MGAT4C: variants seen among roughly 807,000 people sequenced by gnomAD.
MGAT4C encodes alpha-1,3-mannosyl-glycoprotein 4-beta-N-acetylglucosaminyltransferase C.
MGAT4C carries 19 observed loss-of-function variants against 40.1 expected under a neutral mutation model. The observed-to-expected ratio is 0.47, with a 90% CI of 0.33 to 0.70. The LOEUF is 0.70. Ranked by LOEUF, MGAT4C falls within the 30% of genes least tolerant of loss-of-function variation. MGAT4C has a pLI of 0.02. For synonymous variants in MGAT4C, 181 were observed against 187.1 expected (o/e 0.97, Z 0.27); for missense variants, 491 against 563.2 (o/e 0.87, Z 1.30).
chr12:86,357,987 C>A (rs140349438), intron 3 of MGAT4C, among the ~76,000 whole-genome samples: 2 of 151,900 alleles, frequency 1.3e-5, no homozygotes, highest in Non-Finnish European at 2.9e-5. Context: ...AACACCACAG[C>A]GATACTCCTC....
chr12:86,307,055 T>C (rs1953951323), intron 4 of MGAT4C, among the ~76,000 whole-genome samples: 1 of 150,450 alleles, frequency 6.6e-6, no homozygotes, highest in Non-Finnish European at 1.5e-5. Flanking sequence ...CAATGAAAAA[T>C]GTCACTTCTA....
Position 85,972,154 on chromosome 12 carries a change from G to A in MGAT4C, c.*7135C>T, listed in dbSNP as rs941345719. 1 of 151,094 alleles carries A rather than the reference G, an allele frequency of 6.6e-6. No homozygotes were observed. Among genetic ancestry groups the A allele is most frequent in the Non-Finnish European group, 1.5e-5 (1 of 67,262 alleles). The allele number at this position is 151,094 out of a possible 1,614,324, so 9.4% of individuals were successfully genotyped here. ...TTCCAAAAATAGTTGGTTCTTGTAA[G>A]TGATTTTGATATGACTGATTACCAA... On this transcript the variant is annotated 3_prime_UTR_variant, in exon 5 of 5. Coordinates refer to ENST00000611864, the MANE Select transcript of MGAT4C (RefSeq NM_001351288.2).
chr12:85,993,362 AC>A lies in MGAT4C; in HGVS notation c.-6-3811del, dbSNP rs367614463. Among the ~76,000 whole-genome samples, 284 of 152,302 alleles carry A rather than the reference AC, an allele frequency of 1.9e-3. 2 individuals carry two copies. Among genetic ancestry groups the A allele is most frequent in the African/African-American group, 4.6e-3 (190 of 41,572 alleles). On this transcript the variant is annotated intron_variant, in intron 2 of 4. Transcript: ENST00000611864. ...GAGGACCAGTTGGAAGAATGGCAAT[AC>A]CATTGGAGGACAAAATGAGCCCCTC... is the stretch of plus-strand genomic sequence containing the variant.
chr12:86,682,092 T>G (rs1260087166), intron 2 of MGAT4C, among the ~76,000 whole-genome samples: 1 of 152,026 alleles, frequency 6.6e-6, no homozygotes, highest in Non-Finnish European at 1.5e-5. Context: ...TGAATGCAGG[T>G]GCATGGTTGT....
At chr12:86,496,113 T>C (rs1333596660) in intron 2 of MGAT4C, among the ~76,000 whole-genome samples, 1 of 152,058 alleles carries the variant, frequency 6.6e-6, no homozygotes, top group Non-Finnish European at 1.5e-5. Context: ...TGTCTTTCTA[T>C]GCTGTCAGCA....
chr12:86,377,610 T>TA (rs1955854340), intron 3 of MGAT4C, among the ~76,000 whole-genome samples: 1 of 152,200 alleles, frequency 6.6e-6, no homozygotes, highest in Non-Finnish European at 1.5e-5. Flanking sequence ...AGAATATACT[T>TA]AGACTTTTTC....
intron 2 of MGAT4C, among the ~76,000 whole-genome samples, chr12:86,538,744 A>G (rs575071183): frequency 4.6e-5 from 7 of 151,608 alleles, no homozygotes; most frequent in African/African-American, 1.7e-4. Context: ...AGTAGCTGGG[A>G]CTACAGGCGC....
At chr12:86,665,958 G>T (rs187146204) in intron 2 of MGAT4C, among the ~76,000 whole-genome samples, 1 of 152,116 alleles carries the variant, frequency 6.6e-6, no homozygotes, top group Admixed American at 6.5e-5. Context: ...ATATATGTGG[G>T]GTTTTTTAAG....
intron 1 of MGAT4C, among the ~76,000 whole-genome samples, chr12:86,061,145 T>A (rs1467175006): frequency 6.6e-6 from 1 of 152,154 alleles, no homozygotes; most frequent in Non-Finnish European, 1.5e-5. Context: ...TTTCTGCATT[T>A]CCAACTGAGG....
At position 85,973,229 on chromosome 12, in the gene MGAT4C, T is replaced by C. The variant is rs1302893045; in HGVS notation, c.*6060A>G. The C allele has an allele frequency of 4.6e-5, 7 of 150,880 alleles. No homozygotes were observed. Among genetic ancestry groups the C allele is most frequent in the Non-Finnish European group, 1.0e-4 (7 of 67,074 alleles). The allele number at this position is 150,880 out of a possible 1,614,324, so 9.3% of individuals were successfully genotyped here. On this transcript the variant is annotated 3_prime_UTR_variant, in exon 5 of 5. Transcript: ENST00000611864. ...CTCTTCCAGAACTTCGAGTGCACTATAAATTAAATATTTAAAATATTTTTG... is the reference window on the plus strand; with the variant it reads ...CTCTTCCAGAACTTCGAGTGCACTACAAATTAAATATTTAAAATATTTTTG...
At position 86,208,282 on chromosome 12, in the gene MGAT4C, A is replaced by G. The variant is rs561219882; in HGVS notation, c.-57+47957T>C. Among the ~76,000 whole-genome samples, 49 of 152,318 alleles carry G rather than the reference A, an allele frequency of 3.2e-4. No homozygotes were observed. The South Asian group carries it at 3.3e-3, about 10-fold the overall frequency. Reference sequence around the variant, plus strand: ...GGAGTTCAAGACCAGCCTGGGCAACATGGCAAAACCCCATCTTTACTATAA... The same window carrying G: ...GGAGTTCAAGACCAGCCTGGGCAACGTGGCAAAACCCCATCTTTACTATAA... On this transcript the variant is annotated intron_variant, in intron 1 of 4. Coordinates refer to ENST00000611864, the MANE Select transcript of MGAT4C (RefSeq NM_001351288.2).
intron 2 of MGAT4C, among the ~76,000 whole-genome samples, chr12:86,507,557 C>A (rs972553871): frequency 6.6e-6 from 1 of 152,086 alleles, no homozygotes; most frequent in African/African-American, 2.4e-5. Flanking sequence ...GCCACTTGTC[C>A]AAAGCAGATT....
chr12:86,631,613 C>T (rs548865201), intron 2 of MGAT4C, among the ~76,000 whole-genome samples: 194 of 152,066 alleles, frequency 1.3e-3, no homozygotes, highest in African/African-American at 4.5e-3. Context: ...CTTCTACAAC[C>T]ATCTGATCTT....
chr12:86,705,155 A>C (rs1950431297), intron 2 of MGAT4C, among the ~76,000 whole-genome samples: 1 of 152,116 alleles, frequency 6.6e-6, no homozygotes, highest in Non-Finnish European at 1.5e-5. Context: ...ACTTCAAAAC[A>C]GACACTTTGG....
At chr12:86,281,604 G>A (rs1414084358) in intron 4 of MGAT4C, among the ~76,000 whole-genome samples, 2 of 151,868 alleles carry the variant, frequency 1.3e-5, no homozygotes, top group Middle Eastern at 3.4e-3. Context: ...AGCTGGTCTC[G>A]AACTCATGGC....
chr12:86,784,900 G>A (rs2136187364), intron 1 of MGAT4C, among the ~76,000 whole-genome samples: 1 of 152,094 alleles, frequency 6.6e-6, no homozygotes, highest in South Asian at 2.1e-4. Context: ...AAAGGGAAAT[G>A]ATTGTAGGGA....
At chr12:86,377,629 G>T (rs1955855321) in intron 3 of MGAT4C, among the ~76,000 whole-genome samples, 1 of 151,936 alleles carries the variant, frequency 6.6e-6, no homozygotes, top group Non-Finnish European at 1.5e-5. Context: ...TCATCCCTTT[G>T]ATTTTTTCAC....
intron 1 of MGAT4C, among the ~76,000 whole-genome samples, chr12:86,223,154 T>C (rs887742295): frequency 2.0e-5 from 3 of 152,116 alleles, no homozygotes; most frequent in Non-Finnish European, 4.4e-5. Context: ...GCCAAAAAGA[T>C]AGAGGAGAAA....
intron 1 of MGAT4C, among the ~76,000 whole-genome samples, chr12:86,731,380 A>G (rs545836849): frequency 9.2e-5 from 14 of 152,228 alleles, no homozygotes; most frequent in Admixed American, 2.6e-4. Flanking sequence ...ATAATACCCA[A>G]ATAAATTTCT....
Sources: gnomAD v4.1 joint callset for allele counts (sites outside exome capture counted in the v4.1 genomes callset) on GRCh38, gnomAD v4.1.1 for gene constraint, MANE v1.5 for transcripts, NCBI Gene and HGNC (gene_info 2026-07-23, HGNC 2026-07-21) for gene names.